KCNIP1: variants seen among roughly 807,000 people sequenced by gnomAD.
KCNIP1 encodes A-type potassium channel modulatory protein KCNIP1.
A neutral mutation model predicts 33.0 loss-of-function variants in KCNIP1; 18 were observed. That is an observed-to-expected ratio of 0.55 (90% CI 0.38 to 0.81). The LOEUF (loss-of-function observed/expected upper bound fraction) is 0.81. Ranked by LOEUF, KCNIP1 falls within the 30% of genes least tolerant of loss-of-function variation. The pLI is 0.00. For synonymous variants in KCNIP1, 93 were observed against 98.3 expected (o/e 0.95, Z 0.32); for missense variants, 238 against 271.6 (o/e 0.88, Z 0.87).
intron 1 of KCNIP1, among the ~76,000 whole-genome samples, chr5:170,451,766 T>A (rs910943425): frequency 2.0e-5 from 3 of 149,426 alleles, no homozygotes; most frequent in African/African-American, 7.4e-5. Flanking sequence ...TGTGTGTGTG[T>A]GTGTTTGCAG....
At chr5:170,705,210 T>C (rs572197533) in intron 1 of KCNIP1, among the ~76,000 whole-genome samples, 4 of 152,346 alleles carry the variant, frequency 2.6e-5, no homozygotes, top group African/African-American at 9.6e-5. Flanking sequence ...ACTTCATTAA[T>C]AATTCAAGGT....
intron 1 of KCNIP1, among the ~76,000 whole-genome samples, chr5:170,522,288 C>G (rs904884867): frequency 1.4e-4 from 21 of 152,258 alleles, no homozygotes; most frequent in Non-Finnish European, 2.9e-4. Flanking sequence ...CGAGGACAGC[C>G]TGCAGCAGAT....
chr5:170,647,660 A>G (rs1379722337), intron 1 of KCNIP1, among the ~76,000 whole-genome samples: 5 of 152,334 alleles, frequency 3.3e-5, no homozygotes, highest in Non-Finnish European at 7.3e-5. Context: ...ATAAGACACA[A>G]AACTATAAAA....
chr5:170,697,213 C>T (rs563902261), intron 1 of KCNIP1, among the ~76,000 whole-genome samples: 2 of 152,294 alleles, frequency 1.3e-5, no homozygotes, highest in African/African-American at 4.8e-5. Context: ...GGCCCCTTTC[C>T]CCTGCCCCCA....
At chr5:170,488,758 C>T (rs1175330063) in intron 1 of KCNIP1, among the ~76,000 whole-genome samples, 3 of 152,272 alleles carry the variant, frequency 2.0e-5, no homozygotes, top group Admixed American at 2.0e-4. Context: ...GGGACTCAGC[C>T]AGATGGAACA....
intron 1 of KCNIP1, chr5:170,669,598 G>A (rs745655324): frequency 2.0e-5 from 20 of 985,238 alleles, no homozygotes; most frequent in East Asian, 1.1e-4. Context: ...TGTGGATACC[G>A]CTGGATCAGC....
intron 1 of KCNIP1, among the ~76,000 whole-genome samples, chr5:170,452,758 T>C (rs1266447185): frequency 6.6e-6 from 1 of 152,216 alleles, no homozygotes; most frequent in African/African-American, 2.4e-5. Context: ...TCTGAGTAAT[T>C]TCTTGATGAA....
rs529944333 is a variant in KCNIP1, at chr5:170,718,910, T to TG, written c.186+36dup. 1.3e-3 allele frequency: 2,111 copies of TG among 1,590,910 alleles called. 7 individuals are homozygous for TG. Among genetic ancestry groups the TG allele is most frequent in the African/African-American group, 0.011 (781 of 72,890 alleles). ...AAGACCCGTGCACGCTCTGAAGGCC[T>TG]GGGGGGGGTTCCCACGTGAGGCTAC... is the stretch of plus-strand genomic sequence containing the variant. On this transcript the variant is annotated intron_variant, in intron 2 of 7. Transcript: ENST00000328939.
chr5:170,469,308 T>C (rs1050016925), intron 1 of KCNIP1, among the ~76,000 whole-genome samples: 23 of 152,096 alleles, frequency 1.5e-4, no homozygotes, highest in African/African-American at 5.3e-4. Context: ...AGCAGGAGGA[T>C]CACTTGAGCC....
At chr5:170,360,778 G>A (rs1296642472) in intron 1 of KCNIP1, among the ~76,000 whole-genome samples, 2 of 152,214 alleles carry the variant, frequency 1.3e-5, no homozygotes, top group Non-Finnish European at 2.9e-5. Flanking sequence ...CGTTCACCAC[G>A]TTCACCACGT....
intron 1 of KCNIP1, among the ~76,000 whole-genome samples, chr5:170,627,486 C>T (rs1759877855): frequency 6.6e-6 from 1 of 152,214 alleles, no homozygotes; most frequent in South Asian, 2.1e-4. Context: ...CAGTGCCCAG[C>T]TGTGCTGGCA....
intron 1 of KCNIP1, among the ~76,000 whole-genome samples, chr5:170,688,989 G>C (rs1039678825): frequency 1.3e-5 from 2 of 151,290 alleles, no homozygotes; most frequent in African/African-American, 4.9e-5. Flanking sequence ...AAGGAAGAAA[G>C]GGTGGGAGGG....
intron 1 of KCNIP1, among the ~76,000 whole-genome samples, chr5:170,611,812 G>A (rs1036795679): frequency 6.6e-6 from 1 of 152,226 alleles, no homozygotes; most frequent in Non-Finnish European, 1.5e-5. Context: ...AGTGGGGCTG[G>A]GAAGGACAGA....
At chr5:170,367,358 A>AAAGAAAGG (rs1368260033) in intron 1 of KCNIP1, among the ~76,000 whole-genome samples, 157 of 66,006 alleles carry the variant, frequency 2.4e-3, no homozygotes, top group Middle Eastern at 6.6e-3. Context: ...AAAAAGAAAG[A>AAAGAAAGG]AAGAAAGAAA....
chr5:170,709,826 C>T (rs172944), intron 1 of KCNIP1, among the ~76,000 whole-genome samples: 97,114 of 152,006 alleles, frequency 0.64, 32,134 homozygotes, highest in East Asian at 0.95. Context: ...CTTTTCATCG[C>T]GTCTCATATG....
At chr5:170,534,714 G>C (rs1755911933) in intron 1 of KCNIP1, among the ~76,000 whole-genome samples, 1 of 151,616 alleles carries the variant, frequency 6.6e-6, no homozygotes, top group Admixed American at 6.6e-5. Context: ...AGAAATGGGG[G>C]TCTCATTATG....
chr5:170,403,832 G>A (rs1395002135), intron 1 of KCNIP1, among the ~76,000 whole-genome samples: 1 of 152,172 alleles, frequency 6.6e-6, no homozygotes, highest in Non-Finnish European at 1.5e-5. Flanking sequence ...TTTGGTTGAG[G>A]AGCTCTTTGA....
chr5:170,632,310 T>C (rs1176603845), intron 1 of KCNIP1, among the ~76,000 whole-genome samples: 3 of 152,238 alleles, frequency 2.0e-5, no homozygotes, highest in Non-Finnish European at 4.4e-5. Flanking sequence ...GACAGGCTAT[T>C]AGTCTTCCTG....
intron 1 of KCNIP1, among the ~76,000 whole-genome samples, chr5:170,506,051 A>C (rs12517302): frequency 0.32 from 49,037 of 151,980 alleles, 7,963 homozygotes; most frequent in East Asian, 0.4. Flanking sequence ...TTTCAGCGCC[A>C]AATATAGGTC....
Sources: allele counts gnomAD v4.1 joint callset (sites outside exome capture counted in the v4.1 genomes callset), GRCh38; gene constraint gnomAD v4.1.1; transcripts MANE v1.5; gene names NCBI Gene and HGNC (gene_info 2026-07-23, HGNC 2026-07-21).